The following NEBL variants were observed in gnomAD, a reference collection of about 807,000 sequenced individuals.
NEBL encodes the protein LIM and SH3 protein 2.
In NEBL, 122 loss-of-function variants were observed where a neutral mutation model predicts 140.2. The observed-to-expected ratio is 0.87, with a 90% CI of 0.75 to 1.01. NEBL has a LOEUF of 1.01. Ranked by LOEUF, NEBL falls within the 50% of genes least tolerant of loss-of-function variation. The pLI, the probability that NEBL is intolerant of heterozygous loss-of-function variation, is 0.00. For synonymous variants in NEBL, 436 were observed against 398.9 expected (o/e 1.09, Z -1.11); for missense variants, 1,365 against 1,231.3 (o/e 1.11, Z -1.62).
chr10:21,100,489 A>G (rs935930271), intron 2 of NEBL, among the ~76,000 whole-genome samples: 1 of 152,210 alleles, frequency 6.6e-6, no homozygotes, highest in Admixed American at 6.5e-5. Flanking sequence ...AAGAGTGCAA[A>G]GCATGGCTCT....
chr10:21,037,599 T>A (rs1350274883), intron 2 of NEBL, among the ~76,000 whole-genome samples: 1 of 152,196 alleles, frequency 6.6e-6, no homozygotes, highest in Non-Finnish European at 1.5e-5. Flanking sequence ...TGATGAAATG[T>A]TCCATACCTT....
At chr10:20,817,770 T>C (rs1226863990) in intron 20 of NEBL, 78 bp from the exon 21 acceptor site, 1 of 1,152,528 alleles carries the variant, frequency 8.7e-7, no homozygotes, top group African/African-American at 1.5e-5. Flanking sequence ...AGGCTCAAAA[T>C]TAGCACCATC....
At chr10:20,846,859 A>T (rs971569468) in intron 11 of NEBL, among the ~76,000 whole-genome samples, 2 of 152,128 alleles carry the variant, frequency 1.3e-5, no homozygotes, top group Non-Finnish European at 2.9e-5. Context: ...GAAAAAAAAA[A>T]ACCTTTTGGG....
chr10:21,127,993 T>C (rs1255812237), intron 2 of NEBL, among the ~76,000 whole-genome samples: 1 of 152,248 alleles, frequency 6.6e-6, no homozygotes, highest in Non-Finnish European at 1.5e-5. Context: ...TATTTATACA[T>C]ACAACTAGGT....
intron 2 of NEBL, among the ~76,000 whole-genome samples, chr10:20,894,821 CG>C (rs1224956839): frequency 1.3e-5 from 2 of 148,348 alleles, no homozygotes. Flanking sequence ...CCCGGCTACT[CG>C]GGTGGCTGAG....
intron 4 of NEBL, among the ~76,000 whole-genome samples, chr10:20,918,786 G>A (rs1441594067): frequency 6.6e-6 from 1 of 151,912 alleles, no homozygotes; most frequent in African/African-American, 2.4e-5. Flanking sequence ...GGGAGGTAGA[G>A]CTTGCAGTGA....
intron 4 of NEBL, among the ~76,000 whole-genome samples, chr10:20,913,183 T>C (rs114883079): frequency 7.6e-4 from 116 of 152,258 alleles, no homozygotes; most frequent in African/African-American, 2.7e-3. Flanking sequence ...GATTAGAGCA[T>C]TGACTCAGCT....
chr10:20,934,068 A>G (rs1011389603), intron 4 of NEBL, among the ~76,000 whole-genome samples: 1 of 152,152 alleles, frequency 6.6e-6, no homozygotes, highest in Admixed American at 6.5e-5. Context: ...TTTACACTTC[A>G]ACTTTTTGTG....
chr10:20,943,003 A>G (rs1350541436), intron 4 of NEBL, among the ~76,000 whole-genome samples: 2 of 152,256 alleles, frequency 1.3e-5, no homozygotes, highest in African/African-American at 4.8e-5. Flanking sequence ...ACTGTAAACT[A>G]GTTCAACCAT....
Position 21,129,494 on chromosome 10 carries a change from A to T in NEBL, c.164+42889T>A, listed in dbSNP as rs899621055. 9.9e-5 allele frequency among the ~76,000 whole-genome samples: 15 copies of T among 152,018 alleles called. No homozygotes were observed. In the South Asian group the frequency reaches 2.1e-3, roughly 21 times the overall value. On this transcript the variant is annotated intron_variant, in intron 2 of 6. Transcript: ENST00000417816. ...TTCAATTATATATGCTTATATAGAG[A>T]TATTTTACATATGTATATATGTGTA...
chr10:20,897,539 T>C (rs1323178570), upstream of NEBL: 12 of 1,074,882 alleles, frequency 1.1e-5, no homozygotes, highest in East Asian at 3.0e-4. Flanking sequence ...ATTCTATTCA[T>C]TCATAAAAGA....
chr10:21,106,108 T>C (rs1053202798), intron 2 of NEBL, among the ~76,000 whole-genome samples: 9 of 152,078 alleles, frequency 5.9e-5, no homozygotes, highest in South Asian at 2.1e-4. Flanking sequence ...GATGGGCAGA[T>C]TGCAAAGATT....
intron 4 of NEBL, among the ~76,000 whole-genome samples, chr10:20,957,211 TCA>T (rs1686663109): frequency 6.6e-6 from 1 of 150,660 alleles, no homozygotes; most frequent in Non-Finnish European, 1.5e-5. Context: ...TGAAGCTAAC[TCA>T]CAAAATCTCA....
At chr10:21,041,270 A>G (rs1018253911) in intron 2 of NEBL, among the ~76,000 whole-genome samples, 3 of 152,118 alleles carry the variant, frequency 2.0e-5, no homozygotes, top group South Asian at 2.1e-4. Context: ...TGTGTATTCA[A>G]TGGTTAGCTC....
rs1835309227 is a variant in NEBL at position 20,785,222 on chromosome 10, A to G, written c.*525T>C. 1.2e-5 allele frequency: 2 copies of G among 165,714 alleles called. No homozygotes were observed. Among genetic ancestry groups the G allele is most frequent in the Admixed American group, 1.2e-4 (2 of 17,386 alleles). The allele number at this position is 165,714 out of a possible 1,614,324, so 10.3% of individuals were successfully genotyped here. ...AAGTTTCTAGATCCCTAAGGCCACC[A>G]GTCAATATAATTTTAACCAGACTGT... On this transcript the variant is annotated 3_prime_UTR_variant, in exon 28 of 28. Coordinates refer to ENST00000377122, the MANE Select transcript of NEBL (RefSeq NM_006393.3).
At chr10:20,907,817 G>A (rs987756580) in intron 4 of NEBL, among the ~76,000 whole-genome samples, 2 of 152,294 alleles carry the variant, frequency 1.3e-5, no homozygotes, top group South Asian at 2.1e-4. Flanking sequence ...CTCTTGCCCT[G>A]ACAGAGCCAG....
In NEBL at chr10:21,015,464, C is replaced by T. The variant is rs576445167; in HGVS notation, c.249+4653G>A. ...AGCCCGAAAAAGGGAATGCTTTCTA[C>T]CACATGATATTAAAATAATCAGTAA... is the stretch of plus-strand genomic sequence containing the variant. On this transcript the variant is annotated intron_variant, in intron 3 of 6. Transcript: ENST00000417816. 5.9e-5 allele frequency among the ~76,000 whole-genome samples: 9 copies of T among 152,302 alleles called. 1 individual carries two copies. In the East Asian group the frequency reaches 1.5e-3, roughly 26 times the overall value.
intron 3 of NEBL, among the ~76,000 whole-genome samples, chr10:21,235,336 G>A (rs1281111986): frequency 6.6e-6 from 1 of 151,858 alleles, no homozygotes; most frequent in Non-Finnish European, 1.5e-5. Context: ...AAAAACATAA[G>A]TGTTTTTATT....
intron 3 of NEBL, among the ~76,000 whole-genome samples, chr10:20,989,178 A>G (rs1837366213): frequency 2.0e-5 from 3 of 152,214 alleles, no homozygotes. Context: ...TAATCTTGGG[A>G]GATGGGTACA....
Sources: allele counts gnomAD v4.1 joint callset (sites outside exome capture counted in the v4.1 genomes callset), GRCh38; gene constraint gnomAD v4.1.1; transcripts MANE v1.5; gene names NCBI Gene and HGNC (gene_info 2026-07-23, HGNC 2026-07-21).